Variants in ZNF516 observed in about 807,000 individuals in gnomAD.
ZNF516 encodes zinc finger protein 516.
A neutral mutation model predicts 79.7 loss-of-function variants in ZNF516; 19 were observed. That is an observed-to-expected ratio of 0.24 (90% CI 0.17 to 0.35). ZNF516 has a LOEUF of 0.35. Among genes scored for constraint, ZNF516 ranks in the 10% least tolerant of loss-of-function variants. The pLI, the probability that ZNF516 is intolerant of heterozygous loss-of-function variation, is 1.00. For synonymous variants in ZNF516, 877 were observed against 739.5 expected (o/e 1.19, Z -3.02); for missense variants, 1,678 against 1,679.5 (o/e 1.00, Z 0.02).
chr18:76,414,508 G>A (rs756876638), intron 3 of ZNF516, among the ~76,000 whole-genome samples: 28 of 152,210 alleles, frequency 1.8e-4, no homozygotes, highest in Non-Finnish European at 3.2e-4. Context: ...TGTCTCTGGT[G>A]ATTTTCAAGA....
At chr18:76,474,807 CACAG>C (rs1410009103) in intron 1 of ZNF516, among the ~76,000 whole-genome samples, 5 of 152,212 alleles carry the variant, frequency 3.3e-5, no homozygotes, top group Admixed American at 2.6e-4. Flanking sequence ...GTCTAATAAC[CACAG>C]ACAGAAGGAA....
chr18:76,367,487 C>G (rs78259015), intron 6 of ZNF516, among the ~76,000 whole-genome samples: 7,591 of 152,268 alleles, frequency 0.05, 670 homozygotes, highest in African/African-American at 0.17. Flanking sequence ...CTCTCTAGAC[C>G]CCAGGCCCGA....
intron 1 of ZNF516, among the ~76,000 whole-genome samples, chr18:76,494,675 G>C (rs891385000): frequency 2.0e-5 from 3 of 151,874 alleles, no homozygotes; most frequent in Non-Finnish European, 2.9e-5. Context: ...GCGGCTCCTC[G>C]GGCCCGCAGC....
intron 2 of ZNF516, among the ~76,000 whole-genome samples, chr18:76,449,497 G>A (rs1370616797): frequency 3.3e-5 from 5 of 152,240 alleles, no homozygotes; most frequent in Non-Finnish European, 5.9e-5. Context: ...AGACTACCTG[G>A]GATTAAAACC....
At position 76,459,300 on chromosome 18, in the gene ZNF516, G is replaced by A. The variant is rs1162282828; in HGVS notation, c.-158+3728C>T. The stretch of plus-strand genomic sequence containing the variant: ...GCACACTGGACCCAGTGCCAGCTCG[G>A]GAAATCCTGGGCCGGTGACAGCCCT... On this transcript the variant is annotated intron_variant, in intron 2 of 6. Transcript: ENST00000443185. The surrounding 1 kb of genome is among the most constrained non-coding windows in gnomAD (Gnocchi z 5.0). Among the ~76,000 whole-genome samples, 1 of 152,192 alleles carries A rather than the reference G, an allele frequency of 6.6e-6. No homozygotes were observed. Among genetic ancestry groups the A allele is most frequent in the Admixed American group, 6.5e-5 (1 of 15,282 alleles).
intron 3 of ZNF516, among the ~76,000 whole-genome samples, chr18:76,392,539 A>G (rs2075089635): frequency 2.3e-5 from 3 of 128,202 alleles, no homozygotes; most frequent in Admixed American, 1.5e-4. Context: ...GGAAAGGTGG[A>G]TGGGAAGGCA....
At chr18:76,480,526 T>TAC (rs1599156131) in intron 1 of ZNF516, among the ~76,000 whole-genome samples, 2 of 83,104 alleles carry the variant, frequency 2.4e-5, no homozygotes, top group East Asian at 6.1e-4. Context: ...CACACACACA[T>TAC]ATATTTTTTT....
chr18:76,444,031 C>A (rs1401338321), intron 2 of ZNF516, among the ~76,000 whole-genome samples: 1 of 152,206 alleles, frequency 6.6e-6, no homozygotes, highest in Non-Finnish European at 1.5e-5. Flanking sequence ...ACGGAACAGG[C>A]CCCCACCAAG....
intron 6 of ZNF516, among the ~76,000 whole-genome samples, chr18:76,370,120 C>T (rs2074678395): frequency 6.6e-6 from 1 of 152,248 alleles, no homozygotes; most frequent in Non-Finnish European, 1.5e-5. Context: ...CGCAAGACAC[C>T]ACGCTGGACA....
chr18:76,482,696 G>GT (rs2145790951), intron 1 of ZNF516, among the ~76,000 whole-genome samples: 1 of 152,336 alleles, frequency 6.6e-6, no homozygotes, highest in East Asian at 1.9e-4. Flanking sequence ...GTATCTGTCT[G>GT]TATCAAACGT....
chr18:76,425,397 G>A lies in ZNF516; in HGVS notation c.1810+15848C>T, dbSNP rs375506863. 2.0e-5 allele frequency among the ~76,000 whole-genome samples: 3 copies of A among 152,240 alleles called. No individual in the cohort carries two copies. In the South Asian group the frequency reaches 6.2e-4, roughly 32 times the overall value. On this transcript the variant is annotated intron_variant, in intron 3 of 6. Coordinates refer to ENST00000443185, the MANE Select transcript of ZNF516 (RefSeq NM_014643.4). Reference sequence around the variant, plus strand: ...GCATTTTTTAATCAAAACTAAATAAGGCTAGCTCATGCACAGACAAAATCA... The same window carrying A: ...GCATTTTTTAATCAAAACTAAATAAAGCTAGCTCATGCACAGACAAAATCA...
Position 76,379,903 on chromosome 18 carries a change from C to T in ZNF516, c.2211G>A (p.Ala737=), listed in dbSNP as rs1004338101. Residue 737 remains alanine (A), a synonymous_variant, in exon 4 of 7, where the codon GCG becomes GCA. Transcript: ENST00000443185. ...TGCTGGGGTCATCCCGCGTCGACCTCGCACTTAAATCTAGCGGCATGAGGT... is the reference window on the plus strand; with the variant it reads ...TGCTGGGGTCATCCCGCGTCGACCTTGCACTTAAATCTAGCGGCATGAGGT... ...APDLMPLDLS[A]RSTRDDPSNK... is the part of the protein sequence containing the mutation. The T allele has an allele frequency of 5.0e-6, 8 of 1,613,868 alleles. No homozygotes were observed. The African/African-American group carries it at 6.7e-5, about 13-fold the overall frequency.
At chr18:76,488,461 T>C (rs1474446888) in intron 1 of ZNF516, among the ~76,000 whole-genome samples, 1 of 146,852 alleles carries the variant, frequency 6.8e-6, no homozygotes, top group African/African-American at 2.5e-5. Flanking sequence ...CCCACGGGTA[T>C]TCCTTGGACT....
At chr18:76,397,551 T>C (rs761901899) in intron 3 of ZNF516, among the ~76,000 whole-genome samples, 2 of 152,242 alleles carry the variant, frequency 1.3e-5, no homozygotes, top group Non-Finnish European at 2.9e-5. Flanking sequence ...TGCGAAAGTA[T>C]GTTATCTGTG....
chr18:76,473,012 A>C (rs1434034649), intron 1 of ZNF516, among the ~76,000 whole-genome samples: 2 of 152,224 alleles, frequency 1.3e-5, no homozygotes, highest in Non-Finnish European at 2.9e-5. Flanking sequence ...AAGTGTTCTA[A>C]CTTCTTTCCC....
intron 3 of ZNF516, among the ~76,000 whole-genome samples, chr18:76,384,422 C>T (rs1183654507): frequency 7.6e-6 from 1 of 131,828 alleles, no homozygotes. Flanking sequence ...CCCACCACTC[C>T]CTCCACGGTT....
chr18:76,402,818 A>T (rs2075249298), intron 3 of ZNF516, among the ~76,000 whole-genome samples: 1 of 152,250 alleles, frequency 6.6e-6, no homozygotes, highest in Admixed American at 6.5e-5. Flanking sequence ...CCACACTGGC[A>T]GCTGCCGTCT....
At chr18:76,385,206 G>C (rs970134518) in intron 3 of ZNF516, among the ~76,000 whole-genome samples, 1 of 152,222 alleles carries the variant, frequency 6.6e-6, no homozygotes, top group East Asian at 1.9e-4. Context: ...TTCTAAGCAG[G>C]ACCTTCCTAG....
intron 3 of ZNF516, chr18:76,386,040 G>A (rs892251744): frequency 6.6e-6 from 1 of 152,222 alleles, no homozygotes. Context: ...TTAGAATAAA[G>A]ATTTTTCTCA....
Sources: allele counts gnomAD v4.1 joint callset (sites outside exome capture counted in the v4.1 genomes callset), GRCh38; gene constraint gnomAD v4.1.1; non-coding constraint Gnocchi (gnomAD v3.1); transcripts MANE v1.5; gene names NCBI Gene and HGNC (gene_info 2026-07-23, HGNC 2026-07-21).